Variants in MAGI2 observed in about 807,000 individuals in gnomAD.
MAGI2 encodes the protein membrane associated guanylate kinase, WW and PDZ domain containing 2.
MAGI2 carries 35 observed loss-of-function variants against 133.3 expected under a neutral mutation model. The observed-to-expected ratio is 0.26, with a 90% CI of 0.20 to 0.35. The LOEUF (loss-of-function observed/expected upper bound fraction) is 0.35, where lower values mean the gene tolerates loss of function less well. Ranked by LOEUF, MAGI2 falls within the 10% of genes least tolerant of loss-of-function variation. The probability of loss-of-function intolerance (pLI) is 1.00; values close to 1 mark genes in which losing one functional copy is unlikely to be tolerated. For synonymous variants in MAGI2, 729 were observed against 710.6 expected, an observed-to-expected ratio of 1.03 and a Z score of -0.41; for missense variants, 1,636 against 1,863.4, an observed-to-expected ratio of 0.88 and a Z score of 2.25.
chr7:79,257,419 G>T (rs1288045265), intron 1 of MAGI2, among the ~76,000 whole-genome samples: 1 of 152,100 alleles, frequency 6.6e-6, no homozygotes, highest in Non-Finnish European at 1.5e-5. Flanking sequence ...AAACTGTAGA[G>T]TTCATCTTAA....
chr7:78,394,645 T>G (rs1219471475), intron 6 of MAGI2, among the ~76,000 whole-genome samples: 1 of 152,224 alleles, frequency 6.6e-6, no homozygotes, highest in Non-Finnish European at 1.5e-5. Flanking sequence ...ACTGCTACAT[T>G]TTTATAAGTC....
intron 3 of MAGI2, among the ~76,000 whole-genome samples, chr7:78,548,540 C>G (rs1445114137): frequency 6.6e-6 from 1 of 152,002 alleles, no homozygotes; most frequent in Admixed American, 6.6e-5. Flanking sequence ...ATTAAAAATA[C>G]AAAAATTGGC....
chr7:78,534,593 C>T (rs1272388189), intron 3 of MAGI2, among the ~76,000 whole-genome samples: 1 of 152,228 alleles, frequency 6.6e-6, no homozygotes, highest in Non-Finnish European at 1.5e-5. Context: ...GACATAGTCT[C>T]TACTGAAAAG....
intron 6 of MAGI2, among the ~76,000 whole-genome samples, chr7:78,405,128 C>T (rs1562951699): frequency 6.6e-6 from 1 of 152,062 alleles, no homozygotes; most frequent in Non-Finnish European, 1.5e-5. Flanking sequence ...AACAAATTTG[C>T]ATCAGTTTTC....
Position 78,195,043 on chromosome 7 carries a change from A to C in MAGI2, c.2100T>G (p.Asn700Lys). ...ATAAACTCGTTTGAGGACTGCCTTG[A>C]TTCTCCCATCGGTCCATTATCTGAA... Reference protein sequence around the residue: ...TPKPIMDRWENQGSPQTSLSA... With the variant: ...TPKPIMDRWEKQGSPQTSLSA... Residue 700 changes from asparagine to lysine, a missense_variant, in exon 12 of 22, where the codon AAT becomes AAG. Coordinates refer to ENST00000354212, the MANE Select transcript of MAGI2 (RefSeq NM_012301.4). 6.2e-7 allele frequency: 1 copy of C among 1,610,094 alleles called. No homozygotes were observed. The highest frequency in any genetic ancestry group is 8.5e-7 in the Non-Finnish European group (1 of 1,178,574).
intron 1 of MAGI2, among the ~76,000 whole-genome samples, chr7:79,058,781 G>C (rs762216363): frequency 6.6e-6 from 1 of 152,076 alleles, no homozygotes; most frequent in East Asian, 1.9e-4. Context: ...GAATAGAATT[G>C]CAGTGGACCA....
At chr7:78,169,801 C>G (rs1272470420) in intron 14 of MAGI2, among the ~76,000 whole-genome samples, 1 of 152,204 alleles carries the variant, frequency 6.6e-6, no homozygotes, top group African/African-American at 2.4e-5. Flanking sequence ...GCAGTTCTTT[C>G]CCTGCAACTC....
chr7:79,275,934 T>A (rs2129557565), intron 1 of MAGI2, among the ~76,000 whole-genome samples: 1 of 152,254 alleles, frequency 6.6e-6, no homozygotes, highest in South Asian at 2.1e-4. Flanking sequence ...AAAAGATTCC[T>A]TTCAAAATAT....
At chr7:78,161,686 A>AG (rs1825019475) in intron 15 of MAGI2, among the ~76,000 whole-genome samples, 1 of 145,880 alleles carries the variant, frequency 6.9e-6, no homozygotes, top group Non-Finnish European at 1.5e-5. Flanking sequence ...AAAAAAAAAA[A>AG]AGAAAAAAAA....
chr7:78,407,503 T>C (rs1170732130), intron 6 of MAGI2, among the ~76,000 whole-genome samples: 2 of 151,948 alleles, frequency 1.3e-5, no homozygotes, highest in African/African-American at 4.8e-5. Context: ...AGAATCCCCC[T>C]CATGTCATGA....
intron 2 of MAGI2, among the ~76,000 whole-genome samples, chr7:78,701,319 A>C (rs1818048272): frequency 1.3e-5 from 2 of 151,946 alleles, no homozygotes; most frequent in Admixed American, 6.6e-5. Context: ...TACACTGGGT[A>C]CATTTGGCAT....
intron 20 of MAGI2, among the ~76,000 whole-genome samples, chr7:78,110,005 C>T (rs955744448): frequency 2.4e-4 from 36 of 152,222 alleles, no homozygotes; most frequent in Non-Finnish European, 8.8e-5. Flanking sequence ...GGCCTGAGCA[C>T]GCCCCCTAGT....
chr7:79,101,640 CGGGAACCCGGGA>C (rs1817980991), intron 1 of MAGI2, among the ~76,000 whole-genome samples: 1 of 143,530 alleles, frequency 7.0e-6, no homozygotes, highest in African/African-American at 2.6e-5. Flanking sequence ...AGGAGAATGG[CGGGAACCCGGGA>C]GGTGGAGCTT....
intron 4 of MAGI2, among the ~76,000 whole-genome samples, chr7:78,503,596 T>TCCTCCTCCTCCCCCC (rs1794833094): frequency 2.1e-5 from 1 of 46,538 alleles, no homozygotes; most frequent in Non-Finnish European, 4.0e-5. Context: ...CTCCTCCCCC[T>TCCTCCTCCTCCCCCC]CCTCCTTCTC....
intron 6 of MAGI2, among the ~76,000 whole-genome samples, chr7:78,473,823 C>T (rs1791469374): frequency 6.6e-6 from 1 of 152,000 alleles, no homozygotes; most frequent in Non-Finnish European, 1.5e-5. Context: ...AGCTCTAAGT[C>T]AGACACAGAC....
At chr7:78,478,227 C>T (rs765155235) in intron 6 of MAGI2, among the ~76,000 whole-genome samples, 3 of 151,806 alleles carry the variant, frequency 2.0e-5, no homozygotes, top group African/African-American at 4.8e-5. Flanking sequence ...TGTTAGTTTG[C>T]TGAGAATTAT....
intron 7 of MAGI2, chr7:78,359,434 A>T (rs1218200211): frequency 6.6e-6 from 1 of 152,224 alleles, no homozygotes; most frequent in Non-Finnish European, 1.5e-5. Context: ...ACCAGAATGA[A>T]ATAAATTACT....
At chr7:78,912,737 T>C (rs1211886178) in intron 2 of MAGI2, among the ~76,000 whole-genome samples, 1 of 147,094 alleles carries the variant, frequency 6.8e-6, no homozygotes, top group Admixed American at 6.8e-5. Flanking sequence ...ATCATTCATA[T>C]ATATATCATT....
intron 10 of MAGI2, among the ~76,000 whole-genome samples, chr7:78,216,683 C>T (rs1788305577): frequency 6.6e-6 from 1 of 152,194 alleles, no homozygotes; most frequent in South Asian, 2.1e-4. Context: ...GCTCCAGGGT[C>T]ACTTCAGAGG....
Sources: gnomAD v4.1 joint callset for allele counts (sites outside exome capture counted in the v4.1 genomes callset) on GRCh38, gnomAD v4.1.1 for gene constraint, MANE v1.5 for transcripts, NCBI Gene and HGNC (gene_info 2026-07-23, HGNC 2026-07-21) for gene names.